Variants in TAFA2 observed in about 807,000 individuals in gnomAD.
TAFA2 encodes TAFA chemokine like family member 2.
A neutral mutation model predicts 18.8 loss-of-function variants in TAFA2; 7 were observed. The ratio of observed to expected loss-of-function variants is 0.37; its 90% CI spans 0.21 to 0.70. TAFA2 has a LOEUF of 0.70. Among genes scored for constraint, TAFA2 ranks in the 30% least tolerant of loss-of-function variants. The pLI is 0.53. For synonymous variants in TAFA2, 60 were observed against 54.2 expected (o/e 1.11, Z -0.47); for missense variants, 122 against 158.1 (o/e 0.77, Z 1.23).
chr12:61,977,947 A>G (rs1879496157), intron 1 of TAFA2, among the ~76,000 whole-genome samples: 1 of 152,074 alleles, frequency 6.6e-6, no homozygotes, highest in Admixed American at 6.6e-5. Context: ...CACTGATTTC[A>G]GTAGATTAGG....
intron 2 of TAFA2, among the ~76,000 whole-genome samples, chr12:61,834,078 C>A (rs573875094): frequency 1.3e-5 from 2 of 152,154 alleles, no homozygotes; most frequent in South Asian, 2.1e-4. Flanking sequence ...ATAGTAGTAA[C>A]AACTATTGCT....
At chr12:62,178,351 G>C (rs918664634) in intron 1 of TAFA2, among the ~76,000 whole-genome samples, 1 of 152,116 alleles carries the variant, frequency 6.6e-6, no homozygotes, top group Non-Finnish European at 1.5e-5. Context: ...ATAAAATTCT[G>C]TCAGGAGTAT....
At chr12:61,738,964 G>A (rs1039242524) in intron 4 of TAFA2, among the ~76,000 whole-genome samples, 1 of 151,996 alleles carries the variant, frequency 6.6e-6, no homozygotes, top group Non-Finnish European at 1.5e-5. Flanking sequence ...CATTTTATTA[G>A]CCTATTAACA....
At chr12:61,720,911 T>C (rs1198519780) in intron 4 of TAFA2, 1 of 517,758 alleles carries the variant, frequency 1.9e-6, no homozygotes, top group South Asian at 1.4e-5. Flanking sequence ...ACTTGAAGAG[T>C]TTTACACGTT....
At chr12:61,832,234 G>A (rs752008424) in intron 2 of TAFA2, among the ~76,000 whole-genome samples, 2 of 152,006 alleles carry the variant, frequency 1.3e-5, no homozygotes, top group Admixed American at 1.3e-4. Context: ...GACTAAATCA[G>A]GAACGGCCAT....
intron 2 of TAFA2, among the ~76,000 whole-genome samples, chr12:61,815,878 A>G (rs977071250): frequency 4.6e-5 from 7 of 151,208 alleles, no homozygotes; most frequent in Admixed American, 4.6e-4. Context: ...AACAAGACAA[A>G]ATTGTCGCTG....
intron 1 of TAFA2, among the ~76,000 whole-genome samples, chr12:62,211,649 T>C (rs1048038219): frequency 6.6e-6 from 1 of 152,040 alleles, no homozygotes; most frequent in Non-Finnish European, 1.5e-5. Context: ...CTTTTATTGT[T>C]AATAGGTCTT....
chr12:61,881,265 G>A (rs1437465822), intron 1 of TAFA2, among the ~76,000 whole-genome samples: 1 of 152,084 alleles, frequency 6.6e-6, no homozygotes, highest in Non-Finnish European at 1.5e-5. Flanking sequence ...GATACATTCT[G>A]AGAAATGCAT....
chr12:62,146,309 G>A (rs1351120217), intron 1 of TAFA2, among the ~76,000 whole-genome samples: 3 of 129,524 alleles, frequency 2.3e-5, no homozygotes, highest in East Asian at 2.3e-4. Context: ...TTTTTGACAG[G>A]ATCTGGCTCT....
At position 61,952,905 on chromosome 12, in the gene TAFA2, C is replaced by A. The variant is rs116774947; in HGVS notation, c.-1-85479G>T. Among the ~76,000 whole-genome samples, 802 of 152,044 alleles carry A rather than the reference C, an allele frequency of 5.3e-3. 7 individuals carry two copies. The highest frequency in any genetic ancestry group is 0.018 in the African/African-American group (746 of 41,498). ...GCACCCAAGATCAAGTTTTTTAGATCATTTCTCCTCTTTTATATTTTATAA... is the reference window on the plus strand; with the variant it reads ...GCACCCAAGATCAAGTTTTTTAGATAATTTCTCCTCTTTTATATTTTATAA... On this transcript the variant is annotated intron_variant, in intron 1 of 4. Transcript: ENST00000416284.
At chr12:62,219,199 T>C (rs1248737810) in intron 1 of TAFA2, among the ~76,000 whole-genome samples, 1 of 150,746 alleles carries the variant, frequency 6.6e-6, no homozygotes, top group East Asian at 1.9e-4. Context: ...AAAACTTAGG[T>C]TAACATAAAA....
chr12:62,179,643 A>G (rs1392033192), intron 1 of TAFA2, among the ~76,000 whole-genome samples: 1 of 152,122 alleles, frequency 6.6e-6, no homozygotes, highest in African/African-American at 2.4e-5. Context: ...GTCTTACTTC[A>G]GTGCATTGCC....
chr12:62,230,188 T>TA (rs201920323), intron 1 of TAFA2, among the ~76,000 whole-genome samples: 47,153 of 151,502 alleles, frequency 0.31, 8,135 homozygotes, highest in African/African-American at 0.47. Flanking sequence ...ATTGATTTTT[T>TA]TTGGTATCAA....
rs1161787084 is a variant in TAFA2 at position 61,943,487 on chromosome 12, C to T, written c.-1-76061G>A. Among the ~76,000 whole-genome samples, 5 of 144,114 alleles carry T rather than the reference C, an allele frequency of 3.5e-5. No homozygotes were observed. In the South Asian group the frequency reaches 9.3e-4, roughly 27 times the overall value. The allele number at this position is 144,114 out of a possible 152,430, so 94.5% of individuals were successfully genotyped here. On this transcript the variant is annotated intron_variant, in intron 1 of 4. Transcript: ENST00000416284. ...TTAAATGTAAATGGACTAAATGCTC[C>T]AATTAAAAGACACAGACTGGCAAGT...
chr12:62,217,479 A>G (rs10219761), intron 1 of TAFA2, among the ~76,000 whole-genome samples: 47,306 of 152,082 alleles, frequency 0.31, 8,180 homozygotes, highest in African/African-American at 0.47. Context: ...CAAGTGATTA[A>G]TGGACTAAAA....
intron 1 of TAFA2, chr12:62,253,428 A>G (rs1460003659): frequency 6.6e-6 from 1 of 152,228 alleles, no homozygotes; most frequent in Non-Finnish European, 1.5e-5. Flanking sequence ...CCATAAACTT[A>G]GTGACTGAGA....
intron 2 of TAFA2, among the ~76,000 whole-genome samples, chr12:61,823,051 A>G (rs547048187): frequency 6.6e-6 from 1 of 151,832 alleles, no homozygotes; most frequent in African/African-American, 2.4e-5. Flanking sequence ...TTTATTCTCT[A>G]TAAATAAATT....
At chr12:62,024,702 C>CTAGTGCACA (rs569386499) in intron 1 of TAFA2, among the ~76,000 whole-genome samples, 13 of 151,982 alleles carry the variant, frequency 8.6e-5, no homozygotes, top group Non-Finnish European at 1.3e-4. Context: ...TATGTGCAAA[C>CTAGTGCACA]TATACATCCA....
At chr12:62,229,862 G>C (rs758349127) in intron 1 of TAFA2, among the ~76,000 whole-genome samples, 1 of 151,646 alleles carries the variant, frequency 6.6e-6, no homozygotes, top group Non-Finnish European at 1.5e-5. Flanking sequence ...TGTTGTTGTT[G>C]TTGTTGTTGT....
Sources: allele counts gnomAD v4.1 joint callset (sites outside exome capture counted in the v4.1 genomes callset), GRCh38; gene constraint gnomAD v4.1.1; transcripts MANE v1.5; gene names NCBI Gene and HGNC (gene_info 2026-07-23, HGNC 2026-07-21).